DNTTIP1: variants seen among roughly 807,000 people sequenced by gnomAD.
DNTTIP1 encodes the protein deoxynucleotidyltransferase terminal interacting protein 1, also known as deoxynucleotidyltransferase terminal-interacting protein 1.
A neutral mutation model predicts 52.9 loss-of-function variants in DNTTIP1; 22 were observed. The ratio of observed to expected loss-of-function variants is 0.42; its 90% CI spans 0.30 to 0.59. The LOEUF (loss-of-function observed/expected upper bound fraction) is 0.59. DNTTIP1 is among the 20% of genes least tolerant of loss of function. The pLI is 0.22. For synonymous variants in DNTTIP1, 136 were observed against 155.1 expected (o/e 0.88, Z 0.92); for missense variants, 286 against 435.5 (o/e 0.66, Z 3.06).
rs566226306 is a variant in DNTTIP1, at chr20:45,810,727, C to T, written c.796-158C>T. Among the ~76,000 whole-genome samples, 14 of 152,168 alleles carry T rather than the reference C, an allele frequency of 9.2e-5. No homozygotes were observed. In the South Asian group the frequency reaches 2.9e-3, roughly 32 times the overall value. Reference sequence around the variant, plus strand: ...AAAAGATTGTCTCAAGGAACCATTCCCATCCCTCCCCACTTACTCTTCCGT... The same window carrying T: ...AAAAGATTGTCTCAAGGAACCATTCTCATCCCTCCCCACTTACTCTTCCGT... On this transcript the variant is annotated intron_variant, in intron 11 of 12. Transcript: ENST00000372622.
At chr20:45,801,051 A>G (rs1488051884) in intron 4 of DNTTIP1, 23 bp from the exon 5 acceptor site, 2 of 1,611,226 alleles carry the variant, frequency 1.2e-6, no homozygotes, top group African/African-American at 2.7e-5. Flanking sequence ...GTGACTGGTA[A>G]CACTTGGTCT....
At position 45,801,452 on chromosome 20, in the gene DNTTIP1, TA is replaced by T. The variant is rs777358862; in HGVS notation, c.497del (p.Lys166ArgfsTer42). 6.2e-7 allele frequency: 1 copy of T among 1,614,100 alleles called. No homozygotes were observed. The highest frequency in any genetic ancestry group is 8.5e-7 in the Non-Finnish European group (1 of 1,180,008). ...GTGCCCATCGAGGAAGCCCCCTTCC[TA>T]AAAAGGTAAACCATTTCCTTGTTTT... ...ECAHRGSPLP[K>X]KRKGRPPGHI... On this transcript the variant is annotated frameshift_variant, in exon 6 of 13. Transcript: ENST00000372622. LOFTEE classifies it high-confidence loss of function.
intron 4 of DNTTIP1, among the ~76,000 whole-genome samples, chr20:45,800,695 ATATATATATAT>A (rs1215414548): frequency 0.019 from 172 of 9,090 alleles, 17 homozygotes; most frequent in Non-Finnish European, 0.021. Context: ...AAAAAAAAAA[ATATATATATAT>A]ATATATATAT....
chr20:45,797,045 T>A (rs1381022703), intron 4 of DNTTIP1, among the ~76,000 whole-genome samples: 1 of 152,226 alleles, frequency 6.6e-6, no homozygotes, highest in Non-Finnish European at 1.5e-5. Flanking sequence ...GTCCTGTGGC[T>A]TGGAAGCCAA....
At chr20:45,792,145 G>T in intron 1 of DNTTIP1, 36 bp downstream of exon 1, 1 of 1,189,338 alleles carries the variant, frequency 8.4e-7, no homozygotes, top group East Asian at 3.0e-5. Flanking sequence ...GGCTCAGGCC[G>T]GGCACGGCCT....
chr20:45,795,824 A>T (rs901673273), intron 4 of DNTTIP1, among the ~76,000 whole-genome samples: 12 of 152,104 alleles, frequency 7.9e-5, no homozygotes, highest in African/African-American at 2.4e-5. Context: ...AAGAAATGTG[A>T]TCTTGTCATC....
At chr20:45,808,497 G>A (rs566559088) in intron 10 of DNTTIP1, among the ~76,000 whole-genome samples, 5 of 152,048 alleles carry the variant, frequency 3.3e-5, no homozygotes, top group East Asian at 1.9e-4. Flanking sequence ...AAAATTAGCC[G>A]GGCGTGGTGG....
At chr20:45,803,708 C>T (rs1034010243) in intron 8 of DNTTIP1, among the ~76,000 whole-genome samples, 3 of 152,218 alleles carry the variant, frequency 2.0e-5, no homozygotes, top group Non-Finnish European at 2.9e-5. Flanking sequence ...ATCTTTATAA[C>T]AAACTTATGA....
At position 45,805,496 on chromosome 20, in the gene DNTTIP1, C is replaced by CCATT. The variant is rs1981605618; in HGVS notation, c.723+133_723+136dup. ...CATCTGGGTTCTAGTTGTGCCTCTG[C>CCATT]CATTCACCTTTCCCTTTCATGATTT... is the stretch of plus-strand genomic sequence containing the variant. On this transcript the variant is annotated intron_variant, in intron 10 of 12. Coordinates refer to ENST00000372622, the MANE Select transcript of DNTTIP1 (RefSeq NM_052951.3). The CCATT allele has an allele frequency of 3.1e-6, 3 of 974,264 alleles. No homozygotes were observed. In the African/African-American group the frequency reaches 5.0e-5, roughly 16 times the overall value. The allele number at this position is 974,264 out of a possible 1,614,324, so 60.4% of individuals were successfully genotyped here.
chr20:45,801,067 C>T lies in DNTTIP1; in HGVS notation c.373-7C>T. ...TGACTGGTAACACTTGGTCTTTTTC[C>T]CTTCAGGCTAAACTGCTCTTTTCAG... On this transcript the variant is annotated splice_polypyrimidine_tract_variant and splice_region_variant and intron_variant, in intron 4 of 12. Coordinates refer to ENST00000372622, the MANE Select transcript of DNTTIP1 (RefSeq NM_052951.3). 1 of 1,613,426 alleles carries T rather than the reference C, an allele frequency of 6.2e-7. No homozygotes were observed. Among genetic ancestry groups the T allele is most frequent in the Non-Finnish European group, 8.5e-7 (1 of 1,179,652 alleles).
At chr20:45,798,423 G>A (rs1247742892) in intron 4 of DNTTIP1, among the ~76,000 whole-genome samples, 3 of 152,020 alleles carry the variant, frequency 2.0e-5, no homozygotes, top group Admixed American at 1.3e-4. Context: ...CAAGGCACAT[G>A]TATACATATG....
In DNTTIP1 at chr20:45,791,983, A is replaced by T; in HGVS notation, c.-22A>T. Reference sequence around the variant, plus strand: ...TCCGGCCGGTGACAGAGTCCAGCGGAGTTGTGGGGGCCGGGGGCGCCATGG... The same window carrying T: ...TCCGGCCGGTGACAGAGTCCAGCGGTGTTGTGGGGGCCGGGGGCGCCATGG... On this transcript the variant is annotated 5_prime_UTR_variant, in exon 1 of 13. Coordinates refer to ENST00000372622, the MANE Select transcript of DNTTIP1 (RefSeq NM_052951.3). 1.6e-6 allele frequency: 2 copies of T among 1,235,662 alleles called. No homozygotes were observed. The highest frequency in any genetic ancestry group is 2.0e-6 in the Non-Finnish European group (2 of 984,420). 76.5% of individuals were successfully genotyped at this position (1,235,662 alleles called of 1,614,324 possible). A position where few individuals can be genotyped will look rare whatever the true frequency, so the allele number is the denominator to read the frequency against.
At chr20:45,796,541 T>G (rs570208906) in intron 4 of DNTTIP1, 3 of 471,186 alleles carry the variant, frequency 6.4e-6, no homozygotes, top group Non-Finnish European at 1.3e-5. Flanking sequence ...TCTGGTGTGG[T>G]CAGGAAGCAT....
chr20:45,801,506 G>C, intron 6 of DNTTIP1, 48 bp downstream of exon 6: 1 of 1,603,922 alleles, frequency 6.2e-7, no homozygotes. Flanking sequence ...AGGCTTGTCA[G>C]GCCGGGTGTG....
chr20:45,800,695 ATATATATATATATAT>A (rs1568707741), intron 4 of DNTTIP1, among the ~76,000 whole-genome samples: 93 of 9,098 alleles, frequency 0.01, 6 homozygotes, highest in Non-Finnish European at 0.016. Context: ...AAAAAAAAAA[ATATATATATATATAT>A]ATATATATAT....
chr20:45,810,366 A>C (rs969102097), intron 11 of DNTTIP1, among the ~76,000 whole-genome samples: 2 of 152,184 alleles, frequency 1.3e-5, no homozygotes, highest in African/African-American at 4.8e-5. Flanking sequence ...GCAGTTTATC[A>C]TGTTTTCCAT....
At position 45,795,142 on chromosome 20, in the gene DNTTIP1, C is replaced by T. The variant is rs1031105796; in HGVS notation, c.274-203C>T. 5.9e-5 allele frequency among the ~76,000 whole-genome samples: 9 copies of T among 152,182 alleles called. No individual in the cohort carries two copies. The East Asian group carries it at 9.7e-4, about 16-fold the overall frequency. On this transcript the variant is annotated intron_variant, in intron 3 of 12. Coordinates refer to ENST00000372622, the MANE Select transcript of DNTTIP1 (RefSeq NM_052951.3). ...CACCTCAATCTGTTGGGCACCCCCA[C>T]GATTATATCCGTAAGAGGGGGAATA...
At chr20:45,807,761 A>G (rs180734108) in intron 10 of DNTTIP1, among the ~76,000 whole-genome samples, 1 of 152,084 alleles carries the variant, frequency 6.6e-6, no homozygotes, top group East Asian at 2.0e-4. Flanking sequence ...AGCCTGGCCA[A>G]CATGGTGAAA....
chr20:45,791,988 TGG>T lies in DNTTIP1; in HGVS notation c.-13_-12del. On this transcript the variant is annotated 5_prime_UTR_variant, in exon 1 of 13. Coordinates refer to ENST00000372622, the MANE Select transcript of DNTTIP1 (RefSeq NM_052951.3). The stretch of plus-strand genomic sequence containing the variant: ...CCGGTGACAGAGTCCAGCGGAGTTG[TGG>T]GGGCCGGGGGCGCCATGGGAGCCAC... 8.0e-7 allele frequency: 1 copy of T among 1,243,662 alleles called. No individual in the cohort carries two copies. Among genetic ancestry groups the T allele is most frequent in the Non-Finnish European group, 1.0e-6 (1 of 990,894 alleles). The allele number at this position is 1,243,662 out of a possible 1,614,324, so 77.0% of individuals were successfully genotyped here. A position where few individuals can be genotyped will look rare whatever the true frequency, so the allele number is the denominator to read the frequency against.
Sources: gnomAD v4.1 joint callset for allele counts (sites outside exome capture counted in the v4.1 genomes callset) on GRCh38, gnomAD v4.1.1 for gene constraint, MANE v1.5 for transcripts, NCBI Gene and HGNC (gene_info 2026-07-23, HGNC 2026-07-21) for gene names.